TNRC6B: variants seen among roughly 807,000 people sequenced by gnomAD.
TNRC6B encodes trinucleotide repeat containing adaptor 6B.
Under a neutral mutation model 203.6 loss-of-function variants are expected in TNRC6B, and 52 were observed. The observed-to-expected ratio is 0.26, with a 90% CI of 0.20 to 0.32. The LOEUF is 0.32. TNRC6B is among the 10% of genes least tolerant of loss of function. The pLI is 1.00. For missense variants in TNRC6B, 1,923 were observed against 2,286.2 expected (o/e 0.84, Z 3.24); for synonymous variants, 838 against 845.7 (o/e 0.99, Z 0.16).
At chr22:40,115,133 C>T (rs1235858388) in intron 1 of TNRC6B, among the ~76,000 whole-genome samples, 1 of 152,102 alleles carries the variant, frequency 6.6e-6, no homozygotes, top group Non-Finnish European at 1.5e-5. Flanking sequence ...GTCTGAGACT[C>T]ACTGCCAAGC....
intron 3 of TNRC6B, chr22:40,156,093 C>G: frequency 6.4e-7 from 1 of 1,565,580 alleles, no homozygotes; most frequent in Non-Finnish European, 8.7e-7. Flanking sequence ...CTGCTGCTGA[C>G]CTGTGGTGCT....
intron 1 of TNRC6B, among the ~76,000 whole-genome samples, chr22:40,241,081 TG>T (rs1274193896): frequency 1.3e-5 from 2 of 152,236 alleles, no homozygotes; most frequent in Non-Finnish European, 2.9e-5. Flanking sequence ...GTAATTGACC[TG>T]GGGTACTGCC....
intron 3 of TNRC6B, among the ~76,000 whole-genome samples, chr22:40,144,484 G>C (rs2068673356): frequency 6.6e-6 from 1 of 151,528 alleles, no homozygotes; most frequent in South Asian, 2.1e-4. Flanking sequence ...GACCATCCTG[G>C]CTAACATGGT....
intron 1 of TNRC6B, among the ~76,000 whole-genome samples, chr22:40,073,768 G>A (rs1270760648): frequency 6.6e-6 from 1 of 151,730 alleles, no homozygotes; most frequent in Non-Finnish European, 1.5e-5. Context: ...ACAAAAATTA[G>A]CAGCCAGGGC....
intron 1 of TNRC6B, among the ~76,000 whole-genome samples, chr22:40,112,656 G>A (rs145382254): frequency 1.3e-5 from 2 of 152,274 alleles, no homozygotes; most frequent in African/African-American, 4.8e-5. Flanking sequence ...TTTATTTTTA[G>A]ACAATGGTTC....
intron 1 of TNRC6B, among the ~76,000 whole-genome samples, chr22:40,180,677 A>G (rs1230058622): frequency 6.6e-6 from 1 of 152,154 alleles, no homozygotes; most frequent in African/African-American, 2.4e-5. Flanking sequence ...GTGCAGATGG[A>G]TAGTATTTAA....
chr22:40,131,137 G>T (rs2068541013), intron 3 of TNRC6B, among the ~76,000 whole-genome samples: 1 of 151,958 alleles, frequency 6.6e-6, no homozygotes, highest in Admixed American at 6.6e-5. Flanking sequence ...AGCCAGGAAG[G>T]TCTCGATCTC....
chr22:40,073,970 G>C (rs184013213), intron 1 of TNRC6B, among the ~76,000 whole-genome samples: 244 of 152,112 alleles, frequency 1.6e-3, no homozygotes, highest in African/African-American at 5.6e-3. Flanking sequence ...TCTGGATGCT[G>C]AGGCAGGAGA....
chr22:40,285,816 A>G, intron 12 of TNRC6B, 46 bp downstream of exon 12: 1 of 1,607,088 alleles, frequency 6.2e-7, no homozygotes, highest in Non-Finnish European at 8.5e-7. Flanking sequence ...AGACCATTTC[A>G]CATCATTACC....
At chr22:40,124,903 C>T (rs2068476018) in intron 2 of TNRC6B, among the ~76,000 whole-genome samples, 1 of 151,780 alleles carries the variant, frequency 6.6e-6, no homozygotes, top group Non-Finnish European at 1.5e-5. Context: ...GTCCCAGCTA[C>T]TTGGGAGACT....
chr22:40,173,450 A>G (rs986630441), upstream of TNRC6B, among the ~76,000 whole-genome samples: 1 of 126,070 alleles, frequency 7.9e-6, no homozygotes, highest in Non-Finnish European at 1.7e-5. Context: ...CTGTTACTTT[A>G]TATCTGTGCC....
chr22:40,045,894 T>G (rs1271663565), intron 1 of TNRC6B, among the ~76,000 whole-genome samples: 1 of 152,230 alleles, frequency 6.6e-6, no homozygotes, highest in East Asian at 1.9e-4. Flanking sequence ...AGTTCGTGCT[T>G]TCTCATGTGT....
At chr22:40,094,040 T>G (rs1213766857) in intron 1 of TNRC6B, among the ~76,000 whole-genome samples, 2 of 152,176 alleles carry the variant, frequency 1.3e-5, no homozygotes, top group Admixed American at 1.3e-4. Flanking sequence ...GTTGTATACC[T>G]GTATCAAAAC....
intron 15 of TNRC6B, chr22:40,301,585 TTGTG>T (rs369108652): frequency 4.3e-5 from 21 of 491,678 alleles, no homozygotes; most frequent in Non-Finnish European, 7.2e-5. Context: ...TTCCTTTTTT[TTGTG>T]TGTGTGTGTG....
intron 1 of TNRC6B, chr22:40,117,026 A>C (rs2068393509): frequency 6.6e-6 from 1 of 152,532 alleles, no homozygotes; most frequent in Non-Finnish European, 1.5e-5. Flanking sequence ...ATGAGCATAC[A>C]GTTCATAGTG....
chr22:40,204,833 G>T (rs2069459634), intron 1 of TNRC6B, among the ~76,000 whole-genome samples: 9 of 152,168 alleles, frequency 5.9e-5, no homozygotes, highest in Admixed American at 5.9e-4. Flanking sequence ...GGTTTTTATA[G>T]TGATACCAAC....
At chr22:40,145,227 C>CA (rs1441181489) in intron 3 of TNRC6B, among the ~76,000 whole-genome samples, 1 of 151,926 alleles carries the variant, frequency 6.6e-6, no homozygotes, top group East Asian at 1.9e-4. Flanking sequence ...GCCTGGGTGA[C>CA]AGAGTGAGAC....
rs1297055218 is a variant in TNRC6B at position 40,326,687 on chromosome 22, T to C, written c.*3446T>C. On this transcript the variant is annotated 3_prime_UTR_variant, in exon 23 of 23. Transcript: ENST00000454349. ...AGAAACAACAGCTTAAAAAAAAAAGTAATCTGTAAAATAGTACAGTTGGAT... is the reference window on the plus strand; with the variant it reads ...AGAAACAACAGCTTAAAAAAAAAAGCAATCTGTAAAATAGTACAGTTGGAT... The C allele has an allele frequency of 6.6e-6, 1 of 152,456 alleles. No homozygotes were observed. The highest frequency in any genetic ancestry group is 1.5e-5 in the Non-Finnish European group (1 of 67,972). The allele number at this position is 152,456 out of a possible 1,614,324, so 9.4% of individuals were successfully genotyped here. A position where few individuals can be genotyped will look rare whatever the true frequency, so the allele number is the denominator to read the frequency against.
intron 1 of TNRC6B, among the ~76,000 whole-genome samples, chr22:40,214,160 G>C (rs1265255608): frequency 6.6e-6 from 1 of 152,042 alleles, no homozygotes; most frequent in Admixed American, 6.6e-5. Context: ...CCAGCTACTC[G>C]GGAGGCTGAG....
Sources: gnomAD v4.1 joint callset for allele counts (sites outside exome capture counted in the v4.1 genomes callset) on GRCh38, gnomAD v4.1.1 for gene constraint, MANE v1.5 for transcripts, NCBI Gene and HGNC (gene_info 2026-07-23, HGNC 2026-07-21) for gene names.